The following PARP8 variants were observed in gnomAD, a reference collection of about 807,000 sequenced individuals.
PARP8 encodes poly(ADP-ribose) polymerase family member 8.
A neutral mutation model predicts 124.1 loss-of-function variants in PARP8; 51 were observed. The observed-to-expected ratio is 0.41, with a 90% CI of 0.33 to 0.52. PARP8 has a LOEUF of 0.52. Ranked by LOEUF, PARP8 falls within the 20% of genes least tolerant of loss-of-function variation. PARP8 has a pLI of 0.21. For synonymous variants in PARP8, 391 were observed against 361.5 expected, an observed-to-expected ratio of 1.08 and a Z score of -0.93; for missense variants, 860 against 1,018.9, an observed-to-expected ratio of 0.84 and a Z score of 2.12.
At chr5:50,816,337 G>C (rs1278335351) in intron 15 of PARP8, among the ~76,000 whole-genome samples, 1 of 152,164 alleles carries the variant, frequency 6.6e-6, no homozygotes, top group Non-Finnish European at 1.5e-5. Context: ...ACCTTACACT[G>C]TGTGCAAAAA....
intron 9 of PARP8, among the ~76,000 whole-genome samples, chr5:50,779,192 TAC>T (rs557537450): frequency 4.1e-4 from 62 of 150,528 alleles, no homozygotes; most frequent in African/African-American, 8.3e-4. Context: ...TACACACACA[TAC>T]ACACACACAC....
chr5:50,844,376 T>A lies in PARP8; in HGVS notation c.*2308T>A, dbSNP rs1352156053. The A allele has an allele frequency of 6.6e-6, 1 of 151,764 alleles. No individual in the cohort carries two copies. Among genetic ancestry groups the A allele is most frequent in the East Asian group, 1.9e-4 (1 of 5,178 alleles). The allele number at this position is 151,764 out of a possible 1,614,324, so 9.4% of individuals were successfully genotyped here. A position where few individuals can be genotyped will look rare whatever the true frequency, so the allele number is the denominator to read the frequency against. ...ATTTTTTAATTGAACTTTTTGAAAT[T>A]AGGGATACTATAATAACTGATAAAG... On this transcript the variant is annotated 3_prime_UTR_variant, in exon 26 of 26. Transcript: ENST00000281631.
At chr5:50,677,571 G>A (rs1750778394) in intron 2 of PARP8, among the ~76,000 whole-genome samples, 1 of 152,056 alleles carries the variant, frequency 6.6e-6, no homozygotes, top group South Asian at 2.1e-4. Flanking sequence ...ATTGTATTTG[G>A]CTCAGAAATG....
intron 2 of PARP8, among the ~76,000 whole-genome samples, chr5:50,692,985 C>G (rs1752653729): frequency 6.6e-6 from 1 of 152,014 alleles, no homozygotes; most frequent in African/African-American, 2.4e-5. Flanking sequence ...GAAAGGAGTT[C>G]TTAAAATTTT....
intron 1 of PARP8, 161 bp from the exon 2 acceptor site, chr5:50,667,910 A>C: frequency 6.7e-7 from 1 of 1,495,684 alleles, no homozygotes. Flanking sequence ...GGCGCGCCGC[A>C]TCCCCTCGGA....
At chr5:50,703,404 T>G in intron 2 of PARP8, among the ~76,000 whole-genome samples, 1 of 152,264 alleles carries the variant, frequency 6.6e-6, no homozygotes, top group South Asian at 2.1e-4. Context: ...CATCATTTAT[T>G]CTGTATGGAT....
At chr5:50,832,172 A>G (rs1004819059) in intron 22 of PARP8, among the ~76,000 whole-genome samples, 9 of 152,336 alleles carry the variant, frequency 5.9e-5, no homozygotes, top group African/African-American at 1.7e-4. Flanking sequence ...CTGGTGTAAC[A>G]GTAGATGAAC....
intron 2 of PARP8, among the ~76,000 whole-genome samples, chr5:50,722,909 C>T (rs972336981): frequency 1.3e-5 from 2 of 152,062 alleles, no homozygotes; most frequent in African/African-American, 4.8e-5. Context: ...AGATAATTAA[C>T]TTCTCTAATT....
Position 50,690,517 on chromosome 5 carries a change from G to A in PARP8, c.146+22392G>A, listed in dbSNP as rs577796995. On this transcript the variant is annotated intron_variant, in intron 2 of 25. Transcript: ENST00000281631. ...CTCCTTTTTTGAGGACTTTGGTGCC[G>A]AGTTTGAAGTCTTCCAACTAACCCT... Among the ~76,000 whole-genome samples the A allele has an allele frequency of 5.9e-5, 9 of 152,176 alleles. No individual in the cohort carries two copies. The South Asian group carries it at 6.2e-4, about 11-fold the overall frequency.
chr5:50,830,817 T>TG (rs1746877454), intron 22 of PARP8, among the ~76,000 whole-genome samples: 1 of 112,508 alleles, frequency 8.9e-6, no homozygotes, highest in Non-Finnish European at 1.7e-5. Flanking sequence ...TGTGTGCTCA[T>TG]GCGTGTGTGT....
chr5:50,672,996 T>A (rs1750210635), intron 2 of PARP8, among the ~76,000 whole-genome samples: 1 of 152,218 alleles, frequency 6.6e-6, no homozygotes. Flanking sequence ...CTTCAAGATG[T>A]CACAATGAAA....
intron 2 of PARP8, among the ~76,000 whole-genome samples, chr5:50,701,164 G>A (rs1429067143): frequency 6.6e-6 from 1 of 152,082 alleles, no homozygotes; most frequent in Non-Finnish European, 1.5e-5. Context: ...AGATTTGACA[G>A]CCTACGTTGT....
At chr5:50,818,189 C>A (rs35187684) in intron 15 of PARP8, among the ~76,000 whole-genome samples, 2,038 of 136,336 alleles carry the variant, frequency 0.015, 48 homozygotes, top group Non-Finnish European at 0.017. Flanking sequence ...CCCCCCCCCC[C>A]AAAAAAAAGA....
intron 2 of PARP8, among the ~76,000 whole-genome samples, chr5:50,727,111 G>A (rs531703695): frequency 1.3e-5 from 2 of 152,210 alleles, no homozygotes; most frequent in South Asian, 4.2e-4. Flanking sequence ...TTTTGTGAGG[G>A]ACAGGGCATA....
intron 10 of PARP8, among the ~76,000 whole-genome samples, 165 bp from the exon 11 acceptor site, chr5:50,794,042 T>C (rs1201444036): frequency 2.0e-5 from 3 of 152,326 alleles, no homozygotes; most frequent in African/African-American, 7.2e-5. Flanking sequence ...TGCTATATGA[T>C]GCTTTCCTAC....
At chr5:50,684,925 G>T (rs746149105) in intron 2 of PARP8, among the ~76,000 whole-genome samples, 2 of 152,158 alleles carry the variant, frequency 1.3e-5, no homozygotes, top group Non-Finnish European at 2.9e-5. Flanking sequence ...GTTTCGTGGA[G>T]ACAGTCAAGT....
intron 10 of PARP8, among the ~76,000 whole-genome samples, chr5:50,793,381 G>A (rs1742177742): frequency 6.6e-6 from 1 of 152,108 alleles, no homozygotes; most frequent in African/African-American, 2.4e-5. Context: ...ACTGCCATGT[G>A]GAAAATGGAG....
rs73101085 is a variant in PARP8, at chr5:50,772,027, C to T, written c.519-6042C>T. The stretch of plus-strand genomic sequence containing the variant: ...TCATCTTTCCCTTTATGCTTCCCAA[C>T]CTCTGGTAATCTACTCTGTACTACA... On this transcript the variant is annotated intron_variant, in intron 7 of 25. Coordinates refer to ENST00000281631, the MANE Select transcript of PARP8 (RefSeq NM_024615.4). 1.1e-3 allele frequency among the ~76,000 whole-genome samples: 169 copies of T among 152,260 alleles called. 2 individuals carry two copies. The highest frequency in any genetic ancestry group is 4.0e-3 in the African/African-American group (168 of 41,546).
At chr5:50,782,261 A>G (rs1740754157) in intron 9 of PARP8, among the ~76,000 whole-genome samples, 1 of 152,136 alleles carries the variant, frequency 6.6e-6, no homozygotes, top group Non-Finnish European at 1.5e-5. Flanking sequence ...GGCATTTCTC[A>G]CATGGGGATG....
Sources: gnomAD v4.1 joint callset for allele counts (sites outside exome capture counted in the v4.1 genomes callset) on GRCh38, gnomAD v4.1.1 for gene constraint, MANE v1.5 for transcripts, NCBI Gene and HGNC (gene_info 2026-07-23, HGNC 2026-07-21) for gene names.